The following GRIK2 variants were observed in gnomAD, a reference collection of about 807,000 sequenced individuals.
GRIK2 encodes glutamate receptor ionotropic, kainate 2.
Under a neutral mutation model 100.3 loss-of-function variants are expected in GRIK2, and 32 were observed. The observed-to-expected ratio is 0.32, with a 90% CI of 0.24 to 0.43. The LOEUF (loss-of-function observed/expected upper bound fraction) is 0.43, where lower values mean the gene tolerates loss of function less well. Among genes scored for constraint, GRIK2 ranks in the 20% least tolerant of loss-of-function variants. GRIK2 has a pLI of 1.00. For synonymous variants in GRIK2, 417 were observed against 389.4 expected (o/e 1.07, Z -0.83); for missense variants, 843 against 1,114.9 (o/e 0.76, Z 3.47).
intron 7 of GRIK2, among the ~76,000 whole-genome samples, chr6:101,719,252 G>A (rs1300853105): frequency 1.4e-5 from 2 of 146,610 alleles, no homozygotes; most frequent in East Asian, 4.1e-4. Flanking sequence ...CAGCTGTTTG[G>A]GGAAAGTAGC....
intron 4 of GRIK2, among the ~76,000 whole-genome samples, chr6:101,639,794 C>A (rs182380002): frequency 1.3e-5 from 2 of 152,144 alleles, no homozygotes; most frequent in African/African-American, 4.8e-5. Context: ...TCTAGACAGG[C>A]TAATTGTCCA....
intron 12 of GRIK2, among the ~76,000 whole-genome samples, chr6:101,891,408 T>C (rs1243558080): frequency 6.6e-6 from 1 of 151,258 alleles, no homozygotes; most frequent in Non-Finnish European, 1.5e-5. Context: ...TCCCAGATAC[T>C]TGGGAGGCTG....
At chr6:101,922,664 C>G (rs1458997254) in intron 12 of GRIK2, among the ~76,000 whole-genome samples, 1 of 152,078 alleles carries the variant, frequency 6.6e-6, no homozygotes, top group Non-Finnish European at 1.5e-5. Flanking sequence ...GTTAGGTCTT[C>G]CTATTTTTCT....
intron 2 of GRIK2, among the ~76,000 whole-genome samples, chr6:101,620,776 A>C (rs1249460284): frequency 6.6e-6 from 1 of 152,170 alleles, no homozygotes; most frequent in East Asian, 1.9e-4. Context: ...GGAGGGGATT[A>C]GGAATCAGAT....
intron 7 of GRIK2, among the ~76,000 whole-genome samples, chr6:101,783,627 T>TG (rs1284040723): frequency 9.2e-5 from 14 of 152,078 alleles, no homozygotes; most frequent in Non-Finnish European, 1.8e-4. Flanking sequence ...CACAGGAAAG[T>TG]GGGGAAAAGT....
At chr6:101,854,148 T>C (rs1784290376) in intron 10 of GRIK2, among the ~76,000 whole-genome samples, 1 of 152,120 alleles carries the variant, frequency 6.6e-6, no homozygotes, top group Non-Finnish European at 1.5e-5. Context: ...TGGTGCTGGA[T>C]GTTGATAGTA....
At chr6:101,461,577 G>T (rs181325267) in intron 2 of GRIK2, among the ~76,000 whole-genome samples, 8 of 152,288 alleles carry the variant, frequency 5.3e-5, no homozygotes, top group Admixed American at 4.6e-4. Context: ...TGATTAGATG[G>T]AACTGTCCAG....
At chr6:101,524,728 T>G (rs1019764184) in intron 2 of GRIK2, among the ~76,000 whole-genome samples, 2 of 151,908 alleles carry the variant, frequency 1.3e-5, no homozygotes, top group Non-Finnish European at 2.9e-5. Context: ...GTTTTTTTTT[T>G]TTTTTTCTTC....
At chr6:101,963,334 G>T (rs1245907590) in intron 14 of GRIK2, among the ~76,000 whole-genome samples, 1 of 86,318 alleles carries the variant, frequency 1.2e-5, no homozygotes, top group Non-Finnish European at 2.1e-5. Context: ...GTCTAGCTCT[G>T]TCGCCCAGGC....
intron 2 of GRIK2, among the ~76,000 whole-genome samples, chr6:101,530,183 A>G (rs557178640): frequency 2.0e-5 from 3 of 152,184 alleles, no homozygotes; most frequent in East Asian, 1.9e-4. Flanking sequence ...GGTGCATTAA[A>G]GAGAGCAAGA....
chr6:101,849,204 A>G (rs1783976004), intron 10 of GRIK2, among the ~76,000 whole-genome samples: 7 of 152,014 alleles, frequency 4.6e-5, no homozygotes, highest in Admixed American at 4.6e-4. Context: ...ATTCAAGTAA[A>G]GCATGGTCTA....
At chr6:101,457,082 T>A (rs1471087821) in intron 2 of GRIK2, among the ~76,000 whole-genome samples, 2 of 152,166 alleles carry the variant, frequency 1.3e-5, no homozygotes, top group East Asian at 3.8e-4. Context: ...GCATATATGC[T>A]TATGCTTAGG....
chr6:101,529,919 A>C (rs928148045), intron 2 of GRIK2, among the ~76,000 whole-genome samples: 2 of 152,090 alleles, frequency 1.3e-5, no homozygotes, highest in African/African-American at 4.8e-5. Flanking sequence ...TTTGTTGTCC[A>C]TCAAGGGAAG....
intron 14 of GRIK2, among the ~76,000 whole-genome samples, chr6:102,009,178 G>T (rs981314111): frequency 6.6e-6 from 1 of 151,886 alleles, no homozygotes; most frequent in African/African-American, 2.4e-5. Flanking sequence ...AAAAATAATT[G>T]TCAGGTACAA....
At chr6:101,843,275 T>C (rs1415468152) in intron 10 of GRIK2, among the ~76,000 whole-genome samples, 3 of 152,160 alleles carry the variant, frequency 2.0e-5, no homozygotes, top group Non-Finnish European at 2.9e-5. Context: ...TCTGGATAGT[T>C]TGTCAGAGTT....
intron 4 of GRIK2, among the ~76,000 whole-genome samples, chr6:101,639,300 C>T (rs1459045395): frequency 6.6e-6 from 1 of 152,110 alleles, no homozygotes; most frequent in Non-Finnish European, 1.5e-5. Context: ...TCCCAAAATG[C>T]TGGGATTACA....
At chr6:101,944,712 C>A (rs1791168100) in intron 14 of GRIK2, among the ~76,000 whole-genome samples, 1 of 151,812 alleles carries the variant, frequency 6.6e-6, no homozygotes, top group African/African-American at 2.4e-5. Flanking sequence ...ATCTAGAAAG[C>A]TGTAATAATT....
In GRIK2 at chr6:101,748,360, T is replaced by A. The variant is rs555443172; in HGVS notation, c.952-51288T>A. On this transcript the variant is annotated intron_variant, in intron 7 of 16. Transcript: ENST00000369134. Reference sequence around the variant, plus strand: ...AAAAATTATTTAGTAGTGATAAAATTTGTATTCTGGGAGTTAATCATCCTT... The same window carrying A: ...AAAAATTATTTAGTAGTGATAAAATATGTATTCTGGGAGTTAATCATCCTT... Among the ~76,000 whole-genome samples the A allele has an allele frequency of 5.3e-5, 8 of 152,198 alleles. No homozygotes were observed. In the South Asian group the frequency reaches 1.7e-3, roughly 32 times the overall value.
At chr6:101,850,902 C>G (rs1163602466) in intron 10 of GRIK2, among the ~76,000 whole-genome samples, 1 of 151,784 alleles carries the variant, frequency 6.6e-6, no homozygotes, top group African/African-American at 2.4e-5. Context: ...TACCATTTTT[C>G]TTCTCTTACG....
Sources: gnomAD v4.1 joint callset for allele counts (sites outside exome capture counted in the v4.1 genomes callset) on GRCh38, gnomAD v4.1.1 for gene constraint, MANE v1.5 for transcripts, NCBI Gene and HGNC (gene_info 2026-07-23, HGNC 2026-07-21) for gene names.